COL11A1: variants seen among roughly 807,000 people sequenced by gnomAD.
The protein encoded by COL11A1 is collagen type XI alpha 1 chain, also known as collagen alpha-1(XI) chain.
A neutral mutation model predicts 265.2 loss-of-function variants in COL11A1; 74 were observed. The observed-to-expected ratio is 0.28, with a 90% CI of 0.23 to 0.34. COL11A1 has a LOEUF of 0.34. COL11A1 is among the 10% of genes least tolerant of loss of function. The probability of loss-of-function intolerance (pLI) is 1.00; values close to 1 mark genes in which losing one functional copy is unlikely to be tolerated. For missense variants in COL11A1, 2,165 were observed against 2,263.6 expected (o/e 0.96, Z 0.88); for synonymous variants, 816 against 727.6 (o/e 1.12, Z -1.96).
At chr1:103,105,079 A>C (rs1451801346) in intron 1 of COL11A1, among the ~76,000 whole-genome samples, 2 of 110,758 alleles carry the variant, frequency 1.8e-5, no homozygotes, top group African/African-American at 5.0e-5. Context: ...TGATTCAATT[A>C]GATTTTTTTT....
intron 42 of COL11A1, among the ~76,000 whole-genome samples, chr1:102,946,331 C>T (rs1441169036): frequency 2.2e-4 from 1 of 4,560 alleles, no homozygotes; most frequent in Non-Finnish European, 5.0e-3. Context: ...GTATAATAAA[C>T]CCCCCCCCAA....
In COL11A1 at chr1:103,010,987, A is replaced by T. The variant is rs537569100; in HGVS notation, c.1629+1426T>A. 5.3e-5 allele frequency among the ~76,000 whole-genome samples: 8 copies of T among 152,286 alleles called. 1 individual carries two copies. The highest frequency in any genetic ancestry group is 1.7e-4 in the African/African-American group (7 of 41,570). On this transcript the variant is annotated intron_variant, in intron 14 of 66. Transcript: ENST00000370096. The stretch of plus-strand genomic sequence containing the variant: ...AGTGCTGGGATTACAGGTGCGAGCC[A>T]CCGCGCCCAGCCTGATATTTGTAAA...
chr1:102,881,754 T>G lies in COL11A1; in HGVS notation c.4983A>C (p.Ser1661=). The change falls in exon 65 of 67, where the codon TCA becomes TCC. Residue 1661 remains serine (S), a synonymous_variant. Coordinates refer to ENST00000370096, the MANE Select transcript of COL11A1 (RefSeq NM_001854.4). ...PDKKSEGVRI[S]SWPKEKPGSW... ...TTCCTGGTTTCTCCTTTGGCCATGATGAAATTCTTACCTGTTGCAAAGGAA... is the reference window on the plus strand; with the variant it reads ...TTCCTGGTTTCTCCTTTGGCCATGAGGAAATTCTTACCTGTTGCAAAGGAA... The G allele has an allele frequency of 3.1e-6, 5 of 1,612,570 alleles. No homozygotes were observed. Among genetic ancestry groups the G allele is most frequent in the Non-Finnish European group, 4.2e-6 (5 of 1,179,082 alleles).
chr1:102,989,315 A>G lies in COL11A1; in HGVS notation c.2394+203T>C, dbSNP rs189297916. ...TTATTATGGAACCTATGGAAATATA[A>G]CATCTAAAAGACAATTGATACTACA... On this transcript the variant is annotated intron_variant, in intron 29 of 66. Transcript: ENST00000370096. 3.5e-3 allele frequency among the ~76,000 whole-genome samples: 533 copies of G among 152,116 alleles called. 4 individuals carry two copies. The highest frequency in any genetic ancestry group is 0.012 in the African/African-American group (518 of 41,520).
In COL11A1 at chr1:103,067,310, A is replaced by C. The variant is rs190040131; in HGVS notation, c.651+7308T>G. ...ACCAAATTTATTCTCAGAAGACAAC[A>C]GAATTAGACACCAATACCAATAAGC... On this transcript the variant is annotated intron_variant, in intron 4 of 66. Coordinates refer to ENST00000370096, the MANE Select transcript of COL11A1 (RefSeq NM_001854.4). Among the ~76,000 whole-genome samples, 362 of 152,042 alleles carry C rather than the reference A, an allele frequency of 2.4e-3. 2 individuals are homozygous for C. The highest frequency in any genetic ancestry group is 3.1e-3 in the Non-Finnish European group (209 of 67,802).
At chr1:103,010,523 T>C (rs1253015630) in intron 14 of COL11A1, among the ~76,000 whole-genome samples, 1 of 152,140 alleles carries the variant, frequency 6.6e-6, no homozygotes, top group African/African-American at 2.4e-5. Context: ...CTCTGGAAAA[T>C]TGGCTGGCTC....
chr1:102,925,508 T>C (rs563749064), intron 46 of COL11A1, among the ~76,000 whole-genome samples: 1 of 152,222 alleles, frequency 6.6e-6, no homozygotes, highest in East Asian at 1.9e-4. Context: ...TACCAGAATT[T>C]CATTTTTTTC....
chr1:102,976,907 C>A (rs925724749), intron 35 of COL11A1, among the ~76,000 whole-genome samples: 2 of 151,960 alleles, frequency 1.3e-5, no homozygotes, highest in African/African-American at 2.4e-5. Flanking sequence ...ATATATTTAA[C>A]CTTTAATAAC....
chr1:102,898,864 T>G (rs1652790046), intron 55 of COL11A1, 77 bp downstream of exon 55: 27 of 1,300,412 alleles, frequency 2.1e-5, no homozygotes, highest in Non-Finnish European at 2.9e-5. Context: ...GATCAGTTTA[T>G]GCATGAAATT....
intron 49 of COL11A1, 118 bp from the exon 50 acceptor site, chr1:102,915,802 G>A (rs1365587873): frequency 1.2e-6 from 1 of 813,576 alleles, no homozygotes; most frequent in Non-Finnish European, 1.9e-6. Flanking sequence ...TATTTAAAAG[G>A]CATTGAAAAA....
intron 46 of COL11A1, among the ~76,000 whole-genome samples, chr1:102,930,743 G>A (rs1432254702): frequency 6.6e-6 from 1 of 151,974 alleles, no homozygotes; most frequent in Non-Finnish European, 1.5e-5. Context: ...TGGTTGGTAA[G>A]CTATTGATTA....
chr1:103,095,304 ACT>A (rs1673662526), intron 1 of COL11A1, among the ~76,000 whole-genome samples: 1 of 151,980 alleles, frequency 6.6e-6, no homozygotes, highest in South Asian at 2.1e-4. Context: ...ATTAACACAA[ACT>A]CAGTATCTTT....
chr1:103,106,579 T>C (rs547449565), intron 1 of COL11A1, among the ~76,000 whole-genome samples: 1 of 152,256 alleles, frequency 6.6e-6, no homozygotes, highest in East Asian at 1.9e-4. Context: ...AAATACAAAC[T>C]TTTTGATGGA....
At chr1:103,076,642 C>G (rs77635978) in intron 3 of COL11A1, among the ~76,000 whole-genome samples, 20,945 of 152,030 alleles carry the variant, frequency 0.14, 1,599 homozygotes, top group Non-Finnish European at 0.16. Flanking sequence ...CAACCTCACT[C>G]AAAAAAACAT....
chr1:102,898,404 T>TAAAC (rs982582429), intron 56 of COL11A1, among the ~76,000 whole-genome samples: 71 of 151,958 alleles, frequency 4.7e-4, no homozygotes, highest in African/African-American at 1.7e-3. Flanking sequence ...AGGTTATATA[T>TAAAC]AAACATTTCA....
chr1:103,007,383 A>G (rs1426302548), intron 15 of COL11A1, among the ~76,000 whole-genome samples: 1 of 152,194 alleles, frequency 6.6e-6, no homozygotes, highest in Non-Finnish European at 1.5e-5. Flanking sequence ...AATAGGTCAA[A>G]TGTAGTTTCA....
Position 102,878,028 on chromosome 1 carries a change from A to T in COL11A1, c.5412T>A (p.Phe1804Leu), listed in dbSNP as rs747838552. Residue 1804 changes from phenylalanine to leucine, a missense_variant, in exon 67 of 67, where the codon TTT becomes TTA. Phe to Leu is a conservative substitution (Grantham distance 22). Transcript: ENST00000370096. ...GTTCTTTGTCTTAATCTTAGCCAAG[A>T]AAACAAACAGGACCAACTTCAAATC... ...KFGFEVGPVC[F>L]LG The T allele has an allele frequency of 1.2e-6, 2 of 1,613,538 alleles. No individual in the cohort carries two copies. The highest frequency in any genetic ancestry group is 3.3e-5 in the Admixed American group (2 of 59,990).
chr1:103,048,497 T>C (rs560480404), intron 4 of COL11A1, among the ~76,000 whole-genome samples: 43 of 152,192 alleles, frequency 2.8e-4, no homozygotes, highest in Non-Finnish European at 5.6e-4. Context: ...CTTTTCTTCT[T>C]TATTAGTCTT....
intron 5 of COL11A1, among the ~76,000 whole-genome samples, chr1:103,027,115 TG>T (rs1168094282): frequency 7.9e-5 from 12 of 151,452 alleles, no homozygotes; most frequent in Admixed American, 2.0e-4. Context: ...AAATTCACAC[TG>T]GAAATAGTAT....
Sources: gnomAD v4.1 joint callset for allele counts (sites outside exome capture counted in the v4.1 genomes callset) on GRCh38, gnomAD v4.1.1 for gene constraint, MANE v1.5 for transcripts, NCBI Gene and HGNC (gene_info 2026-07-23, HGNC 2026-07-21) for gene names.